Variants in SLC16A2 observed in about 807,000 individuals in gnomAD.
The protein encoded by SLC16A2 is monocarboxylate transporter 8.
Under a neutral mutation model 27.2 loss-of-function variants are expected in SLC16A2, and 3 were observed. The observed-to-expected ratio is 0.11, with a 90% CI of 0.05 to 0.28. The LOEUF (loss-of-function observed/expected upper bound fraction) is 0.28. Ranked by LOEUF, SLC16A2 falls within the 10% of genes least tolerant of loss-of-function variation. SLC16A2 has a pLI of 1.00. For synonymous variants in SLC16A2, 202 were observed against 187.8 expected, an observed-to-expected ratio of 1.08 and a Z score of -0.62; for missense variants, 295 against 458.5, an observed-to-expected ratio of 0.64 and a Z score of 3.26.
intron 1 of SLC16A2, among the ~76,000 whole-genome samples, chrX:74,465,506 C>T (rs58227195): frequency 0.016 from 1,816 of 111,355 alleles, 36 homozygotes; most frequent in African/African-American, 0.056. Flanking sequence ...CCCTGAGCCT[C>T]AAAGCCAGCT....
At chrX:74,429,297 G>A (rs753134562) in intron 1 of SLC16A2, among the ~76,000 whole-genome samples, 16 of 111,104 alleles carry the variant, frequency 1.4e-4, no homozygotes, top group South Asian at 3.9e-4. Context: ...GGGATACCCC[G>A]TCTCTACAAA....
chrX:74,518,095 A>T (rs1398740154), intron 1 of SLC16A2, among the ~76,000 whole-genome samples: 1 of 112,204 alleles, frequency 8.9e-6, no homozygotes. Flanking sequence ...ATCTAGGTTC[A>T]GGTTTTTGTG....
At chrX:74,436,889 A>T (rs897524210) in intron 1 of SLC16A2, among the ~76,000 whole-genome samples, 1 of 111,948 alleles carries the variant, frequency 8.9e-6, no homozygotes, top group African/African-American at 3.3e-5. Flanking sequence ...CTGATGGCCA[A>T]ATTCTGAAAT....
At chrX:74,435,394 C>T (rs1426490776) in intron 1 of SLC16A2, among the ~76,000 whole-genome samples, 2 of 107,417 alleles carry the variant, frequency 1.9e-5, no homozygotes, top group Non-Finnish European at 3.8e-5. Flanking sequence ...TGAGGTAATA[C>T]ATTTAATATT....
chrX:74,461,564 C>T (rs1343161510), intron 1 of SLC16A2, among the ~76,000 whole-genome samples: 1 of 111,220 alleles, frequency 9.0e-6, no homozygotes, highest in Non-Finnish European at 1.9e-5. Context: ...ATTTCCAGCT[C>T]TGCTTGGCGG....
intron 1 of SLC16A2, among the ~76,000 whole-genome samples, chrX:74,514,310 G>A (rs777367385): frequency 2.7e-5 from 3 of 110,196 alleles, no homozygotes; most frequent in Non-Finnish European, 3.8e-5. Context: ...CGGGAAAAGG[G>A]GCAGCCTAGC....
chrX:74,525,277 C>G (rs1346223941), intron 3 of SLC16A2, among the ~76,000 whole-genome samples: 2 of 112,064 alleles, frequency 1.8e-5, no homozygotes, highest in Non-Finnish European at 3.8e-5. Flanking sequence ...GTTTAACTCA[C>G]CATCCACCAA....
At chrX:74,477,508 C>T (rs1002254996) in intron 1 of SLC16A2, among the ~76,000 whole-genome samples, 1 of 111,519 alleles carries the variant, frequency 9.0e-6, no homozygotes, top group South Asian at 3.7e-4. Flanking sequence ...TTAGTTATAT[C>T]TTGCCTTCTG....
At chrX:74,422,196 A>ACCCCTTG (rs1325327788) in intron 1 of SLC16A2, 129 bp downstream of exon 1, 4 of 679,145 alleles carry the variant, frequency 5.9e-6, no homozygotes, top group East Asian at 7.1e-5. Flanking sequence ...CTTACCCCTT[A>ACCCCTTG]CCCCTTGCCC....
chrX:74,452,988 T>G (rs1928969942), intron 1 of SLC16A2, among the ~76,000 whole-genome samples: 1 of 110,645 alleles, frequency 9.0e-6, no homozygotes, highest in African/African-American at 3.3e-5. Flanking sequence ...CCTAGGTATC[T>G]CTCACACATG....
intron 1 of SLC16A2, among the ~76,000 whole-genome samples, chrX:74,456,891 A>G (rs1049264632): frequency 8.9e-6 from 1 of 112,167 alleles, no homozygotes; most frequent in Non-Finnish European, 1.9e-5. Context: ...TGATAGAGAC[A>G]TGAGGGTTCA....
chrX:74,421,705 A>C lies in SLC16A2; in HGVS notation c.68A>C (p.Gln23Pro). ...TGGCAGGAGGCAGACCAGGAACAGC[A>C]GGAGCCGGTGGGTAGCCCAGAGCCG... ...GPWQEADQEQ[Q>P]EPVGSPEPES... The change falls in exon 1 of 6, where the codon CAG becomes CCG. Residue 23 changes from glutamine (Q) to proline (P), a missense_variant. By Grantham distance (76) the Gln-to-Pro change is moderately conservative. This residue lies in a region of SLC16A2 where 92 missense variants were observed against 85.1 expected (regional missense o/e 1.08). Transcript: ENST00000587091. 8.4e-7 allele frequency: 1 copy of C among 1,187,374 alleles called. No individual in the cohort carries two copies.
At chrX:74,428,746 A>G (rs1486116742) in intron 1 of SLC16A2, among the ~76,000 whole-genome samples, 1 of 111,716 alleles carries the variant, frequency 9.0e-6, no homozygotes, top group Non-Finnish European at 1.9e-5. Flanking sequence ...AGCTGCTATG[A>G]CACCCTTTTT....
At chrX:74,439,686 G>A (rs1212350255) in intron 1 of SLC16A2, among the ~76,000 whole-genome samples, 1 of 108,189 alleles carries the variant, frequency 9.2e-6, no homozygotes, top group African/African-American at 3.4e-5. Context: ...CTAAGCCTAG[G>A]GTATGTGTGG....
chrX:74,421,586 C>G lies in SLC16A2; in HGVS notation c.-52C>G. The G allele has an allele frequency of 2.5e-6, 3 of 1,187,018 alleles. No homozygotes were observed. Among genetic ancestry groups the G allele is most frequent in the Non-Finnish European group, 3.4e-6 (3 of 879,421 alleles). On this transcript the variant is annotated 5_prime_UTR_variant, in exon 1 of 6. Transcript: ENST00000587091. ...GCAGCTGCAGCAGCAGAAACAAGTA[C>G]CAGCCACAAAGCGGCTCCTCTGGCC... is the stretch of plus-strand genomic sequence containing the variant.
chrX:74,425,574 A>G (rs1167930609), intron 1 of SLC16A2, among the ~76,000 whole-genome samples: 1 of 111,040 alleles, frequency 9.0e-6, no homozygotes, highest in Non-Finnish European at 1.9e-5. Context: ...TAAAGGCCCA[A>G]GCATAGCTTC....
intron 1 of SLC16A2, chrX:74,473,765 G>A: frequency 1.4e-6 from 1 of 722,406 alleles, no homozygotes; most frequent in East Asian, 3.2e-5. Context: ...GGTGTCATAT[G>A]TGACAAATCC....
chrX:74,427,808 C>CGT (rs1928433759), intron 1 of SLC16A2, among the ~76,000 whole-genome samples: 2 of 71,963 alleles, frequency 2.8e-5, no homozygotes, highest in Non-Finnish European at 5.2e-5. Context: ...CGTGCACGCG[C>CGT]GCGCACACAC....
At chrX:74,429,468 C>G (rs1928492122) in intron 1 of SLC16A2, among the ~76,000 whole-genome samples, 1 of 104,335 alleles carries the variant, frequency 9.6e-6, no homozygotes, top group South Asian at 4.3e-4. Context: ...GAGACCCTGT[C>G]TCAAAAAAAA....
Sources: gnomAD v4.1 joint callset for allele counts (sites outside exome capture counted in the v4.1 genomes callset) on GRCh38, gnomAD v4.1.1 for gene constraint, gnomAD v4.1.1 regional missense constraint, MANE v1.5 for transcripts, NCBI Gene and HGNC (gene_info 2026-07-23, HGNC 2026-07-21) for gene names.